The following ANKRD44 variants were observed in gnomAD, a reference collection of about 807,000 sequenced individuals.
The protein encoded by ANKRD44 is serine/threonine-protein phosphatase 6 regulatory ankyrin repeat subunit B.
In ANKRD44, 35 loss-of-function variants were observed where a neutral mutation model predicts 116.0. The ratio of observed to expected loss-of-function variants is 0.30; its 90% CI spans 0.23 to 0.40. ANKRD44 has a LOEUF of 0.40. Ranked by LOEUF, ANKRD44 falls within the 10% of genes least tolerant of loss-of-function variation. ANKRD44 has a pLI of 1.00. For missense variants in ANKRD44, 1,014 were observed against 1,242.6 expected, an observed-to-expected ratio of 0.82 and a Z score of 2.77; for synonymous variants, 435 against 461.8, an observed-to-expected ratio of 0.94 and a Z score of 0.74.
intron 16 of ANKRD44, among the ~76,000 whole-genome samples, chr2:197,039,682 T>C (rs62279179): frequency 3.7e-3 from 11 of 2,934 alleles, no homozygotes; most frequent in Non-Finnish European, 5.4e-3. Flanking sequence ...TGTGTGTGCG[T>C]GTGTGTGTGT....
At chr2:197,123,064 G>A (rs1487641126) in intron 6 of ANKRD44, among the ~76,000 whole-genome samples, 1 of 152,188 alleles carries the variant, frequency 6.6e-6, no homozygotes, top group African/African-American at 2.4e-5. Flanking sequence ...CCACACTAAT[G>A]AATAATGGTG....
chr2:197,181,376 G>T (rs981952152), intron 2 of ANKRD44, among the ~76,000 whole-genome samples: 1 of 152,136 alleles, frequency 6.6e-6, no homozygotes, highest in Non-Finnish European at 1.5e-5. Flanking sequence ...ATTCTATTTG[G>T]TATGATAATG....
chr2:197,272,675 A>G (rs1445849849), intron 1 of ANKRD44, among the ~76,000 whole-genome samples: 1 of 152,196 alleles, frequency 6.6e-6, no homozygotes, highest in African/African-American at 2.4e-5. Context: ...AATTGCTGCC[A>G]TTATGAAATA....
chr2:197,068,063 G>C (rs1250645748), intron 16 of ANKRD44, among the ~76,000 whole-genome samples: 3 of 134,672 alleles, frequency 2.2e-5, no homozygotes, highest in Non-Finnish European at 4.7e-5. Flanking sequence ...CCTTTGTAGG[G>C]ACATGGATGA....
At chr2:197,265,518 A>T (rs1433982510) in intron 1 of ANKRD44, among the ~76,000 whole-genome samples, 4 of 152,146 alleles carry the variant, frequency 2.6e-5, no homozygotes, top group African/African-American at 9.7e-5. Flanking sequence ...AAGTGCTGGG[A>T]TTACAGGTGT....
chr2:197,129,261 G>A (rs952525406), intron 4 of ANKRD44, among the ~76,000 whole-genome samples: 2 of 151,918 alleles, frequency 1.3e-5, no homozygotes, highest in African/African-American at 4.8e-5. Context: ...AGCCTCCTGA[G>A]TAGCTGGGAT....
chr2:197,026,845 T>C (rs531612121), intron 16 of ANKRD44, among the ~76,000 whole-genome samples: 23 of 152,138 alleles, frequency 1.5e-4, no homozygotes, highest in Middle Eastern at 3.4e-3. Flanking sequence ...GGATTGTGGA[T>C]ATTTTTGGAG....
chr2:197,214,792 G>T (rs2081407143), intron 1 of ANKRD44, among the ~76,000 whole-genome samples: 1 of 152,198 alleles, frequency 6.6e-6, no homozygotes, highest in African/African-American at 2.4e-5. Context: ...TGAATTGGAA[G>T]GTCACATATG....
intron 21 of ANKRD44, among the ~76,000 whole-genome samples, chr2:196,972,552 T>A (rs747735988): frequency 1.5e-4 from 23 of 152,344 alleles, no homozygotes; most frequent in Non-Finnish European, 2.8e-4. Flanking sequence ...CATGAAGGGA[T>A]GTTTGTCAAA....
At chr2:197,086,851 A>G in intron 12 of ANKRD44, 103 bp from the exon 13 acceptor site, 1 of 1,010,990 alleles carries the variant, frequency 9.9e-7, no homozygotes, top group South Asian at 1.5e-5. Flanking sequence ...ATGAAAAGAT[A>G]GCTCCTGGTC....
At chr2:197,241,409 T>G (rs1218708504) in intron 1 of ANKRD44, among the ~76,000 whole-genome samples, 1 of 152,226 alleles carries the variant, frequency 6.6e-6, no homozygotes, top group Admixed American at 6.5e-5. Flanking sequence ...AAATAGATTT[T>G]CTACTTGAAC....
intron 16 of ANKRD44, among the ~76,000 whole-genome samples, chr2:197,055,449 A>T (rs890781436): frequency 1.1e-4 from 16 of 152,122 alleles, no homozygotes; most frequent in African/African-American, 3.9e-4. Flanking sequence ...TTTTAACGTT[A>T]ATAGAGTCCA....
chr2:197,165,289 C>G (rs1559118155), intron 2 of ANKRD44, among the ~76,000 whole-genome samples: 1 of 152,200 alleles, frequency 6.6e-6, no homozygotes, highest in African/African-American at 2.4e-5. Flanking sequence ...CTAACAGGTC[C>G]CATGACTGGA....
intron 1 of ANKRD44, among the ~76,000 whole-genome samples, chr2:197,238,043 C>A (rs911605448): frequency 2.6e-5 from 4 of 152,250 alleles, no homozygotes; most frequent in Non-Finnish European, 4.4e-5. Flanking sequence ...GACAGCTTTC[C>A]TGACTAGCCC....
chr2:197,278,779 T>G (rs1056174354), intron 1 of ANKRD44, among the ~76,000 whole-genome samples: 1 of 152,204 alleles, frequency 6.6e-6, no homozygotes, highest in Non-Finnish European at 1.5e-5. Context: ...CTTTCTCTCA[T>G]TGCGACACGT....
downstream of ANKRD44, among the ~76,000 whole-genome samples, chr2:196,985,159 C>T (rs2075828225): frequency 6.6e-6 from 1 of 152,152 alleles, no homozygotes; most frequent in African/African-American, 2.4e-5. Flanking sequence ...CTGAGGCCCT[C>T]AGTGTAACAA....
rs2075868663 is a variant in ANKRD44, at chr2:196,988,781, T to G, written c.*810A>C. The G allele has an allele frequency of 1.0e-6, 1 of 985,336 alleles. No individual in the cohort carries two copies. Among genetic ancestry groups the G allele is most frequent in the African/African-American group, 1.7e-5 (1 of 57,236 alleles). 61.0% of individuals were successfully genotyped at this position (985,336 alleles called of 1,614,324 possible). On this transcript the variant is annotated 3_prime_UTR_variant, in exon 28 of 28. Coordinates refer to ENST00000282272, the MANE Select transcript of ANKRD44 (RefSeq NM_001195144.2). ...TAGAAAATAGCACTTGAGCTGGTGA[T>G]TTTTATTTCTCCTTTTGGCACATGT...
At chr2:197,154,628 T>G (rs956102766) in intron 2 of ANKRD44, among the ~76,000 whole-genome samples, 16 of 152,242 alleles carry the variant, frequency 1.1e-4, no homozygotes, top group Non-Finnish European at 2.1e-4. Context: ...TTATATTGTT[T>G]AATTCAACTT....
intron 2 of ANKRD44, among the ~76,000 whole-genome samples, chr2:197,164,714 G>T (rs1432491973): frequency 6.6e-6 from 1 of 152,084 alleles, no homozygotes; most frequent in Non-Finnish European, 1.5e-5. Flanking sequence ...TGGGCCTGCC[G>T]CCTCCTCATC....
Sources: allele counts gnomAD v4.1 joint callset (sites outside exome capture counted in the v4.1 genomes callset), GRCh38; gene constraint gnomAD v4.1.1; transcripts MANE v1.5; gene names NCBI Gene and HGNC (gene_info 2026-07-23, HGNC 2026-07-21).